The following TEX14 variants were observed in gnomAD, a reference collection of about 807,000 sequenced individuals.
TEX14 encodes inactive serine/threonine-protein kinase TEX14.
A neutral mutation model predicts 178.6 loss-of-function variants in TEX14; 168 were observed. The observed-to-expected ratio is 0.94, with a 90% CI of 0.83 to 1.07. The LOEUF (loss-of-function observed/expected upper bound fraction) is 1.07, where lower values mean the gene tolerates loss of function less well. Ranked by LOEUF, TEX14 falls within the 50% of genes least tolerant of loss-of-function variation. The pLI, the probability that TEX14 is intolerant of heterozygous loss-of-function variation, is 0.00. For missense variants in TEX14, 1,730 were observed against 1,753.6 expected, an observed-to-expected ratio of 0.99 and a Z score of 0.24; for synonymous variants, 626 against 634.1, an observed-to-expected ratio of 0.99 and a Z score of 0.19.
chr17:58,652,597 A>T (rs2046863300), intron 1 of TEX14, among the ~76,000 whole-genome samples: 1 of 152,212 alleles, frequency 6.6e-6, no homozygotes, highest in Admixed American at 6.5e-5. Context: ...AGTCTCCGGC[A>T]TGTCTTTATT....
In TEX14 at chr17:58,602,680, A is replaced by T. The variant is rs959135022; in HGVS notation, c.1337-90T>A. ...AAATCAGATGAAGCTGGGTAACCTT[A>T]GGCAAGTCACTTAACTTCTTTATTT... On this transcript the variant is annotated intron_variant, in intron 11 of 31. Coordinates refer to ENST00000349033, the MANE Select transcript of TEX14 (RefSeq NM_031272.5). 3.0e-6 allele frequency: 3 copies of T among 994,992 alleles called. No individual in the cohort carries two copies. In the African/African-American group the frequency reaches 4.9e-5, roughly 16 times the overall value. The allele number at this position is 994,992 out of a possible 1,614,324, so 61.6% of individuals were successfully genotyped here.
intron 3 of TEX14, 27 bp downstream of exon 3, chr17:58,630,413 T>C (rs777738286): frequency 6.6e-7 from 1 of 1,514,172 alleles, no homozygotes; most frequent in Non-Finnish European, 9.2e-7. Context: ...ACCCCTATTT[T>C]CTAGACATCA....
intron 1 of TEX14, among the ~76,000 whole-genome samples, chr17:58,676,067 C>T (rs1354597302): frequency 6.6e-6 from 1 of 151,994 alleles, no homozygotes; most frequent in Non-Finnish European, 1.5e-5. Flanking sequence ...TGGTGAAACC[C>T]TCTCTACTAA....
chr17:58,661,356 T>G (rs1028142522), intron 1 of TEX14: 2 of 905,412 alleles, frequency 2.2e-6, no homozygotes, highest in African/African-American at 3.3e-5. Flanking sequence ...GCTGGCACCA[T>G]CAGGTACTTC....
At chr17:58,609,634 A>G (rs1326934395) in intron 10 of TEX14, among the ~76,000 whole-genome samples, 2 of 152,218 alleles carry the variant, frequency 1.3e-5, no homozygotes, top group Non-Finnish European at 2.9e-5. Flanking sequence ...TGTTCTTAAG[A>G]TAAAATTCAG....
At position 58,564,932 on chromosome 17, in the gene TEX14, T is replaced by C. The variant is rs1187406898; in HGVS notation, c.4001A>G (p.Lys1334Arg). ...CAAAAGCATACTACTATCTTCTTTT[T>C]TACTGTCAGTTTCTTGTTCTTCTAA... is the stretch of plus-strand genomic sequence containing the variant. ...RHLEEQETDS[K>R]KEDSSMLLSK... The change falls in exon 28 of 32, where the codon AAA (lysine) becomes AGA (arginine). Residue 1334 changes from lysine (K) to arginine (R), a missense_variant. This residue lies in a region of TEX14 where 941 missense variants were observed against 1,072.4 expected (regional missense o/e 0.88). Transcript: ENST00000349033. 6.2e-7 allele frequency: 1 copy of C among 1,610,416 alleles called. No homozygotes were observed. The highest frequency in any genetic ancestry group is 2.2e-5 in the East Asian group (1 of 44,784).
intron 13 of TEX14, among the ~76,000 whole-genome samples, chr17:58,601,248 C>T (rs146103409): frequency 3.3e-5 from 5 of 151,882 alleles, no homozygotes; most frequent in Non-Finnish European, 5.9e-5. Context: ...TAAGGCTGGG[C>T]GCAGTGGCTC....
chr17:58,574,096 A>G, intron 22 of TEX14, 91 bp downstream of exon 22: 1 of 1,069,188 alleles, frequency 9.4e-7, no homozygotes, highest in South Asian at 1.3e-5. Context: ...ACACGTAAAA[A>G]TGGAAAGATC....
chr17:58,587,919 G>T lies in TEX14; in HGVS notation c.2679C>A (p.Pro893=). ...ACCTGGTAGAGTCCCAGTGACAGCTGGGTGATGCAGAAGGTCCCTGCCGGT... is the reference window on the plus strand; with the variant it reads ...ACCTGGTAGAGTCCCAGTGACAGCTTGGTGATGCAGAAGGTCCCTGCCGGT... ...SSHRQGPSAS[P]SCHWDSTRMS... The change falls in exon 16 of 32, where the codon CCC becomes CCA. Residue 893 remains proline (P), a synonymous_variant. Transcript: ENST00000349033. 6.2e-7 allele frequency: 1 copy of T among 1,613,284 alleles called. No homozygotes were observed. The highest frequency in any genetic ancestry group is 8.5e-7 in the Non-Finnish European group (1 of 1,179,642).
intron 15 of TEX14, among the ~76,000 whole-genome samples, chr17:58,589,900 A>G (rs1195940785): frequency 3.3e-5 from 5 of 151,780 alleles, no homozygotes; most frequent in African/African-American, 1.2e-4. Flanking sequence ...AAGTCACACA[A>G]TGTTTGTTGC....
Position 58,574,356 on chromosome 17 carries a change from G to A in TEX14, c.3321-107C>T, listed in dbSNP as rs1278496917. On this transcript the variant is annotated intron_variant, in intron 21 of 31. Transcript: ENST00000349033. ...GATCAGCCCAGTGTGAGACGCAGAG[G>A]AAAGGGCACTAAGCTCAGGAGTAGA... 4.9e-6 allele frequency: 4 copies of A among 811,172 alleles called. No individual in the cohort carries two copies. In the East Asian group the frequency reaches 7.6e-5, roughly 15 times the overall value. The allele number at this position is 811,172 out of a possible 1,614,324, so 50.2% of individuals were successfully genotyped here.
At chr17:58,611,520 AG>A (rs1461041884) in intron 9 of TEX14, among the ~76,000 whole-genome samples, 181 bp from the exon 10 acceptor site, 1 of 152,224 alleles carries the variant, frequency 6.6e-6, no homozygotes, top group African/African-American at 2.4e-5. Flanking sequence ...CCAATGACTC[AG>A]GCCCCCTGGA....
At chr17:58,603,768 C>CG (rs2045531726) in intron 11 of TEX14, among the ~76,000 whole-genome samples, 1 of 151,052 alleles carries the variant, frequency 6.6e-6, no homozygotes, top group Admixed American at 6.6e-5. Flanking sequence ...GCAGGAGAAT[C>CG]GCTTGAACCC....
chr17:58,688,119 T>A (rs1298835519), intron 1 of TEX14, among the ~76,000 whole-genome samples: 1 of 152,072 alleles, frequency 6.6e-6, no homozygotes, highest in Non-Finnish European at 1.5e-5. Flanking sequence ...ATAGACTTTT[T>A]TTGTTTTGTT....
intron 1 of TEX14, among the ~76,000 whole-genome samples, chr17:58,672,026 G>A (rs556200855): frequency 6.6e-6 from 1 of 152,126 alleles, no homozygotes; most frequent in African/African-American, 2.4e-5. Flanking sequence ...ACAGGGGGTG[G>A]GTGGGAATGG....
At chr17:58,578,746 C>T (rs1247304602) in intron 20 of TEX14, among the ~76,000 whole-genome samples, 3 of 152,198 alleles carry the variant, frequency 2.0e-5, no homozygotes, top group Non-Finnish European at 4.4e-5. Context: ...GCTCTGGAGA[C>T]TTTTAATACA....
chr17:58,643,030 C>A (rs1343428203), intron 2 of TEX14, among the ~76,000 whole-genome samples: 2 of 152,200 alleles, frequency 1.3e-5, no homozygotes, highest in Non-Finnish European at 2.9e-5. Flanking sequence ...AGAAACATGT[C>A]TTATTTATCT....
At chr17:58,650,679 C>T (rs370230005) in intron 2 of TEX14, among the ~76,000 whole-genome samples, 1 of 152,104 alleles carries the variant, frequency 6.6e-6, no homozygotes, top group African/African-American at 2.4e-5. Context: ...CCAGGCTGGT[C>T]TCAGACTGGT....
At chr17:58,687,162 A>C (rs2047615303) in intron 1 of TEX14, among the ~76,000 whole-genome samples, 1 of 152,110 alleles carries the variant, frequency 6.6e-6, no homozygotes, top group Non-Finnish European at 1.5e-5. Flanking sequence ...TGCTGACAGA[A>C]GATTTGCTGG....
Sources: allele counts gnomAD v4.1 joint callset (sites outside exome capture counted in the v4.1 genomes callset), GRCh38; gene constraint gnomAD v4.1.1; regional missense constraint gnomAD v4.1.1; transcripts MANE v1.5; gene names NCBI Gene and HGNC (gene_info 2026-07-23, HGNC 2026-07-21).